WWOX: variants seen among roughly 807,000 people sequenced by gnomAD.
WWOX encodes the protein WW domain containing oxidoreductase.
A neutral mutation model predicts 46.2 loss-of-function variants in WWOX; 69 were observed. The ratio of observed to expected loss-of-function variants is 1.49; its 90% CI spans 1.23 to 1.82. The LOEUF (loss-of-function observed/expected upper bound fraction) is 1.82, where lower values mean the gene tolerates loss of function less well. Among genes scored for constraint, WWOX ranks in the 40% most tolerant of loss-of-function variants. WWOX has a pLI of 0.00. For synonymous variants in WWOX, 359 were observed against 202.6 expected, an observed-to-expected ratio of 1.77 and a Z score of -6.56; for missense variants, 919 against 542.6, an observed-to-expected ratio of 1.69 and a Z score of -6.89.
intron 8 of WWOX, among the ~76,000 whole-genome samples, chr16:78,516,854 C>G (rs2043245945): frequency 6.6e-6 from 1 of 152,110 alleles, no homozygotes; most frequent in Non-Finnish European, 1.5e-5. Flanking sequence ...TGAAGCCAAA[C>G]TGTGTGATTC....
intron 5 of WWOX, among the ~76,000 whole-genome samples, chr16:78,345,615 G>T (rs2081082134): frequency 1.1e-5 from 1 of 90,892 alleles, no homozygotes; most frequent in Admixed American, 1.2e-4. Flanking sequence ...ACCTCAGTCT[G>T]GGTGGCAGAG....
At chr16:78,355,402 A>C (rs997332507) in intron 5 of WWOX, 1 of 252,904 alleles carries the variant, frequency 4.0e-6, no homozygotes, top group Non-Finnish European at 7.7e-6. Context: ...GGAGATCGAG[A>C]CCATCCTGGC....
At chr16:78,815,727 G>A (rs2051311866) in intron 8 of WWOX, among the ~76,000 whole-genome samples, 1 of 152,176 alleles carries the variant, frequency 6.6e-6, no homozygotes, top group Non-Finnish European at 1.5e-5. Context: ...GAGCAAAAGA[G>A]CTTTAGAACT....
intron 8 of WWOX, among the ~76,000 whole-genome samples, chr16:78,847,787 G>A (rs769348777): frequency 6.6e-5 from 10 of 151,988 alleles, no homozygotes; most frequent in Non-Finnish European, 1.3e-4. Context: ...AAAAAAAGAA[G>A]AAGAAAAAGG....
intron 5 of WWOX, among the ~76,000 whole-genome samples, chr16:78,301,814 C>G (rs2080046544): frequency 6.6e-6 from 1 of 152,148 alleles, no homozygotes; most frequent in African/African-American, 2.4e-5. Flanking sequence ...GATTACGTTA[C>G]CTAGGGTTAG....
intron 1 of WWOX, chr16:78,100,094 G>A: frequency 7.2e-7 from 1 of 1,379,770 alleles, no homozygotes; most frequent in Non-Finnish European, 9.4e-7. Flanking sequence ...GTCACCTGGT[G>A]GCTTCCCGGC....
intron 8 of WWOX, among the ~76,000 whole-genome samples, chr16:79,030,485 G>A (rs1239769993): frequency 2.0e-5 from 3 of 152,154 alleles, no homozygotes; most frequent in African/African-American, 4.8e-5. Flanking sequence ...GATGGCTTAA[G>A]GTTCCCACAG....
chr16:78,266,556 C>T (rs114077114), intron 5 of WWOX, among the ~76,000 whole-genome samples: 259 of 152,274 alleles, frequency 1.7e-3, no homozygotes, highest in African/African-American at 6.1e-3. Flanking sequence ...ATAAGACTCT[C>T]TGGAACTAGC....
intron 5 of WWOX, among the ~76,000 whole-genome samples, chr16:78,231,683 A>T (rs35530243): frequency 1.3e-5 from 2 of 152,086 alleles, no homozygotes; most frequent in African/African-American, 4.8e-5. Flanking sequence ...AAACATAATT[A>T]TTATCAATTG....
chr16:78,634,234 G>C (rs928334618), intron 8 of WWOX, among the ~76,000 whole-genome samples: 7 of 152,184 alleles, frequency 4.6e-5, no homozygotes, highest in Non-Finnish European at 8.8e-5. Flanking sequence ...GGTGAGCTAA[G>C]AGCAGGCAGT....
intron 8 of WWOX, among the ~76,000 whole-genome samples, chr16:79,168,457 G>T (rs1222125050): frequency 6.6e-6 from 1 of 152,056 alleles, no homozygotes; most frequent in Non-Finnish European, 1.5e-5. Context: ...CAACCCCCAG[G>T]GACTTACTCA....
intron 5 of WWOX, among the ~76,000 whole-genome samples, chr16:78,326,539 T>C (rs1424736651): frequency 7.1e-6 from 1 of 140,222 alleles, no homozygotes; most frequent in African/African-American, 2.7e-5. Flanking sequence ...GATGTATTAC[T>C]TAACCTCTCT....
At chr16:78,487,649 T>A (rs1342586614) in intron 8 of WWOX, among the ~76,000 whole-genome samples, 1 of 152,118 alleles carries the variant, frequency 6.6e-6, no homozygotes, top group African/African-American at 2.4e-5. Context: ...TTTAGTAACA[T>A]CCCTGACCTC....
At chr16:78,540,058 G>A in intron 8 of WWOX, among the ~76,000 whole-genome samples, 1 of 136,422 alleles carries the variant, frequency 7.3e-6, no homozygotes, top group Non-Finnish European at 1.6e-5. Context: ...AGCCAAATCA[G>A]ACACCAATAT....
At position 79,211,679 on chromosome 16, in the gene WWOX, C is replaced by G; in HGVS notation, c.1128C>G (p.Phe376Leu). 6.2e-7 allele frequency: 1 copy of G among 1,614,238 alleles called. No individual in the cohort carries two copies. Among genetic ancestry groups the G allele is most frequent in the Non-Finnish European group, 8.5e-7 (1 of 1,180,048 alleles). ...PELEGLGGMY[F>L]NNCCRCMPSP... ...TGGAGGGTCTGGGAGGGATGTACTT[C>G]AACAACTGCTGCCGCTGCATGCCCT... is the stretch of plus-strand genomic sequence containing the variant. Residue 376 changes from phenylalanine (F) to leucine (L), a missense_variant, in exon 9 of 9, where the codon TTC (phenylalanine) becomes TTG (leucine). Physicochemically the swap from Phe to Leu is conservative, Grantham distance 22 (BLOSUM62 0). Coordinates refer to ENST00000566780, the MANE Select transcript of WWOX (RefSeq NM_016373.4).
At chr16:79,159,893 C>T (rs1415170434) in intron 8 of WWOX, among the ~76,000 whole-genome samples, 1 of 152,172 alleles carries the variant, frequency 6.6e-6, no homozygotes, top group African/African-American at 2.4e-5. Context: ...CGCACCTCCT[C>T]TTTGAAGAGG....
At chr16:78,562,868 G>C (rs933590875) in intron 8 of WWOX, among the ~76,000 whole-genome samples, 1 of 152,156 alleles carries the variant, frequency 6.6e-6, no homozygotes, top group African/African-American at 2.4e-5. Context: ...GCTGAGCGAC[G>C]TCGGAGCTCC....
At chr16:78,751,133 A>G (rs1597546379) in intron 8 of WWOX, among the ~76,000 whole-genome samples, 1 of 152,188 alleles carries the variant, frequency 6.6e-6, no homozygotes, top group Admixed American at 6.5e-5. Context: ...AGTTGAAACC[A>G]TTCCTACTTC....
At chr16:79,064,629 C>T (rs2048410204) in intron 8 of WWOX, among the ~76,000 whole-genome samples, 1 of 152,138 alleles carries the variant, frequency 6.6e-6, no homozygotes, top group Non-Finnish European at 1.5e-5. Flanking sequence ...AGTTATTTAG[C>T]CGTCCATCCG....
Sources: gnomAD v4.1 joint callset for allele counts (sites outside exome capture counted in the v4.1 genomes callset) on GRCh38, gnomAD v4.1.1 for gene constraint, MANE v1.5 for transcripts, NCBI Gene and HGNC (gene_info 2026-07-23, HGNC 2026-07-21) for gene names.